Variants in SYNM observed in about 807,000 individuals in gnomAD.
SYNM encodes desmuslin.
A neutral mutation model predicts 104.0 loss-of-function variants in SYNM; 95 were observed. That is an observed-to-expected ratio of 0.91 (90% CI 0.77 to 1.08). The LOEUF is 1.08. Among genes scored for constraint, SYNM ranks in the 50% least tolerant of loss-of-function variants. The pLI is 0.00. For missense variants in SYNM, 2,150 were observed against 2,052.2 expected (o/e 1.05, Z -0.92); for synonymous variants, 918 against 869.0 (o/e 1.06, Z -0.99).
intron 3 of SYNM, among the ~76,000 whole-genome samples, chr15:99,127,442 G>A (rs1287095909): frequency 1.3e-5 from 2 of 152,162 alleles, no homozygotes; most frequent in South Asian, 2.1e-4. Flanking sequence ...ACCTTTTAAA[G>A]CCCTATAGAA....
In SYNM at chr15:99,105,616, C is replaced by A; in HGVS notation, c.417C>A (p.Ala139=). The change falls in exon 1 of 4, where the codon GCC becomes GCA. Residue 139 remains alanine, a synonymous_variant. Transcript: ENST00000336292. ...ALEALLGRLQ[A]ERRGLDAAHE... is the part of the protein sequence containing the mutation. ...AGGCGCTGCTGGGCCGGCTGCAGGC[C>A]GAGCGCCGAGGCCTCGACGCGGCCC... 4 of 1,278,766 alleles carry A rather than the reference C, an allele frequency of 3.1e-6. No homozygotes were observed. The highest frequency in any genetic ancestry group is 3.9e-6 in the Non-Finnish European group (4 of 1,012,772). The allele number at this position is 1,278,766 out of a possible 1,614,324, so 79.2% of individuals were successfully genotyped here.
At chr15:99,139,485 T>C (rs1432428808), downstream of SYNM, 2 of 1,587,596 alleles carry the variant, frequency 1.3e-6, no homozygotes, top group African/African-American at 2.7e-5. Flanking sequence ...GAGAGAAAGA[T>C]GACCTCATTC....
Position 99,133,127 on chromosome 15 carries a change from T to A in SYNM, c.*69T>A. 1.9e-6 allele frequency: 3 copies of A among 1,584,834 alleles called. No homozygotes were observed. The South Asian group carries it at 3.4e-5, about 18-fold the overall frequency. On this transcript the variant is annotated 3_prime_UTR_variant, in exon 4 of 4. Transcript: ENST00000336292. ...GCCAACATCCAAAGGCCTTAACTTA[T>A]TTTAAGAGGCCGAGGGAGTCTATGA...
chr15:99,135,203 G>T lies in SYNM; in HGVS notation c.*2145G>T, dbSNP rs1242369162. The T allele has an allele frequency of 6.6e-6, 1 of 152,628 alleles. No homozygotes were observed. The highest frequency in any genetic ancestry group is 2.4e-5 in the African/African-American group (1 of 41,444). The allele number at this position is 152,628 out of a possible 1,614,324, so 9.5% of individuals were successfully genotyped here. A position where few individuals can be genotyped will look rare whatever the true frequency, so the allele number is the denominator to read the frequency against. ...ATCTGCAAGTTTCAAGAAGTATTCTGCCAAAAGTATTTACAAGTATGGACT... is the reference window on the plus strand; with the variant it reads ...ATCTGCAAGTTTCAAGAAGTATTCTTCCAAAAGTATTTACAAGTATGGACT... On this transcript the variant is annotated 3_prime_UTR_variant, in exon 4 of 4. Transcript: ENST00000336292.
At position 99,126,618 on chromosome 15, in the gene SYNM, A is replaced by G. The variant is rs929359602; in HGVS notation, c.936-104A>G. On this transcript the variant is annotated intron_variant, in intron 2 of 3. Coordinates refer to ENST00000336292, the MANE Select transcript of SYNM (RefSeq NM_145728.3). ...CCTCTTCAGGTAGAAGTCCTAAAAC[A>G]GGTGACACTATGGTCATTGGCCGCA... 8.0e-6 allele frequency: 9 copies of G among 1,127,588 alleles called. No homozygotes were observed. The Admixed American group carries it at 1.9e-4, about 24-fold the overall frequency. The allele number at this position is 1,127,588 out of a possible 1,614,324, so 69.8% of individuals were successfully genotyped here.
chr15:99,118,893 C>G (rs74977681), intron 2 of SYNM, among the ~76,000 whole-genome samples: 2 of 152,074 alleles, frequency 1.3e-5, no homozygotes, highest in African/African-American at 4.8e-5. Context: ...TCCTGCATTG[C>G]GGGTGGCAGT....
chr15:99,138,653 G>A (rs1428274699), downstream of SYNM, among the ~76,000 whole-genome samples: 1 of 152,230 alleles, frequency 6.6e-6, no homozygotes, highest in Non-Finnish European at 1.5e-5. Flanking sequence ...TCCTCACTGA[G>A]CTGAGGCCCT....
At chr15:99,121,513 A>T (rs931192140) in intron 2 of SYNM, among the ~76,000 whole-genome samples, 1 of 152,176 alleles carries the variant, frequency 6.6e-6, no homozygotes, top group Non-Finnish European at 1.5e-5. Flanking sequence ...GCTAGCACAG[A>T]GTCGGTAAAG....
chr15:99,124,496 C>T (rs2067430112), intron 2 of SYNM, among the ~76,000 whole-genome samples: 1 of 152,212 alleles, frequency 6.6e-6, no homozygotes, highest in Non-Finnish European at 1.5e-5. Flanking sequence ...ATAGCTCCTT[C>T]TCCAGCAGGA....
At chr15:99,140,914 A>T in the SYNM span, 3 of 152,170 alleles carry the variant, frequency 2.0e-5, no homozygotes, top group Admixed American at 1.3e-4. Context: ...ACCAAACCAA[A>T]CCAAAACCTC....
intron 2 of SYNM, among the ~76,000 whole-genome samples, chr15:99,125,976 T>G (rs1260325344): frequency 1.3e-5 from 2 of 152,136 alleles, no homozygotes; most frequent in Non-Finnish European, 2.9e-5. Context: ...CTTCTATAAT[T>G]TTAGAACTTT....
Position 99,132,204 on chromosome 15 carries a change from C to G in SYNM, c.3844C>G (p.Pro1282Ala). The change falls in exon 4 of 4, where the codon CCA (proline) becomes GCA (alanine). Residue 1282 changes from proline (P) to alanine (A), a missense_variant. Coordinates refer to ENST00000336292, the MANE Select transcript of SYNM (RefSeq NM_145728.3). ...GFSGQIQFTAPLSDKVELGVI... is the reference protein window; with the variant it reads ...GFSGQIQFTAALSDKVELGVI... ...CAGTGGGCAAATCCAGTTCACAGCT[C>G]CACTTTCAGACAAGGTGGAGTTGGG... 1 of 1,613,138 alleles carries G rather than the reference C, an allele frequency of 6.2e-7. No homozygotes were observed. Among genetic ancestry groups the G allele is most frequent in the Non-Finnish European group, 8.5e-7 (1 of 1,179,250 alleles).
chr15:99,135,813 T>C (rs2067566935), downstream of SYNM, among the ~76,000 whole-genome samples: 1 of 152,238 alleles, frequency 6.6e-6, no homozygotes, highest in Non-Finnish European at 1.5e-5. Flanking sequence ...CATAAGCCAA[T>C]TGGCTTGTAA....
chr15:99,115,753 C>T (rs1201732086), intron 2 of SYNM, among the ~76,000 whole-genome samples: 1 of 152,214 alleles, frequency 6.6e-6, no homozygotes. Flanking sequence ...TGAGCCACTG[C>T]GCCCGGCCCT....
Position 99,105,123 on chromosome 15 carries a change from G to A in SYNM, c.-77G>A. 1 of 1,471,498 alleles carries A rather than the reference G, an allele frequency of 6.8e-7. No individual in the cohort carries two copies. The highest frequency in any genetic ancestry group is 2.6e-5 in the East Asian group (1 of 37,986). 91.2% of individuals were successfully genotyped at this position (1,471,498 alleles called of 1,614,324 possible). The stretch of plus-strand genomic sequence containing the variant: ...GCAGCGGCGAGGCCGGAGCGTCGCG[G>A]CGGAGAGGACGAGACCGGGACAAGA... On this transcript the variant is annotated 5_prime_UTR_variant, in exon 1 of 4. Transcript: ENST00000336292.
At chr15:99,139,070 G>T (rs1345980958), downstream of SYNM, 6 of 552,584 alleles carry the variant, frequency 1.1e-5, no homozygotes, top group Admixed American at 9.9e-5. Context: ...GCCTGCAGGG[G>T]CTGGTCTGCA....
At chr15:99,115,723 A>C (rs797038754) in intron 2 of SYNM, among the ~76,000 whole-genome samples, 4 of 152,242 alleles carry the variant, frequency 2.6e-5, no homozygotes, top group African/African-American at 9.6e-5. Flanking sequence ...CGCCGCCACA[A>C]AGTGCTGAGA....
At chr15:99,140,155 A>C (rs1181454921), downstream of SYNM, 1 of 168,076 alleles carries the variant, frequency 5.9e-6, no homozygotes, top group Non-Finnish European at 1.3e-5. Context: ...CAGGGCAGAG[A>C]GCCCAAGCCT....
At chr15:99,121,064 A>C (rs550382272) in intron 2 of SYNM, among the ~76,000 whole-genome samples, 1 of 152,136 alleles carries the variant, frequency 6.6e-6, no homozygotes, top group Admixed American at 6.5e-5. Flanking sequence ...TGGTGGGGGA[A>C]GTGGGGAGAT....
Sources: allele counts gnomAD v4.1 joint callset (sites outside exome capture counted in the v4.1 genomes callset), GRCh38; gene constraint gnomAD v4.1.1; transcripts MANE v1.5; gene names NCBI Gene and HGNC (gene_info 2026-07-23, HGNC 2026-07-21).